The following ZNF385D variants were observed in gnomAD, a reference collection of about 807,000 sequenced individuals.
ZNF385D encodes zinc finger protein 385D, also known as zinc finger protein 659.
Under a neutral mutation model 35.8 loss-of-function variants are expected in ZNF385D, and 15 were observed. The observed-to-expected ratio is 0.42, with a 90% CI of 0.28 to 0.64. The LOEUF is 0.64. Ranked by LOEUF, ZNF385D falls within the 30% of genes least tolerant of loss-of-function variation. The pLI is 0.23. For synonymous variants in ZNF385D, 212 were observed against 186.8 expected (o/e 1.13, Z -1.10); for missense variants, 474 against 494.6 (o/e 0.96, Z 0.39).
chr3:21,780,470 G>C lies in ZNF385D; in HGVS notation c.326-115442C>G, dbSNP rs151315161. On this transcript the variant is annotated intron_variant, in intron 3 of 5. Transcript: ENST00000494108. The stretch of plus-strand genomic sequence containing the variant: ...CTCAATATCTTCCTTATGTGGATAC[G>C]ACATGCATCTGTACTACTTATTGGT... Among the ~76,000 whole-genome samples, 42 of 151,970 alleles carry C rather than the reference G, an allele frequency of 2.8e-4. No homozygotes were observed. In the Middle Eastern group the frequency reaches 0.01, roughly 37 times the overall value.
chr3:21,714,598 G>A (rs770237913), intron 1 of ZNF385D, among the ~76,000 whole-genome samples: 10 of 152,062 alleles, frequency 6.6e-5, no homozygotes, highest in East Asian at 1.9e-4. Context: ...TCTCTTTCTC[G>A]TTTGCATCAT....
intron 3 of ZNF385D, among the ~76,000 whole-genome samples, chr3:21,941,392 C>T: frequency 6.6e-6 from 1 of 151,786 alleles, no homozygotes. Context: ...ATACAATTTC[C>T]TACTTAGCTG....
At chr3:22,159,231 G>A (rs1348457460) in intron 3 of ZNF385D, among the ~76,000 whole-genome samples, 2 of 151,860 alleles carry the variant, frequency 1.3e-5, no homozygotes, top group African/African-American at 2.4e-5. Context: ...TCACTCCCAC[G>A]CACATACATG....
At chr3:21,856,882 T>C (rs3860589) in intron 3 of ZNF385D, among the ~76,000 whole-genome samples, 5,405 of 152,178 alleles carry the variant, frequency 0.036, 347 homozygotes, top group African/African-American at 0.12. Flanking sequence ...CAAATCACTG[T>C]CTTAGAAATC....
At chr3:21,705,941 A>G (rs945082480) in intron 1 of ZNF385D, among the ~76,000 whole-genome samples, 1 of 152,194 alleles carries the variant, frequency 6.6e-6, no homozygotes, top group Non-Finnish European at 1.5e-5. Flanking sequence ...ACATGTGCCC[A>G]GATGAGCTCA....
chr3:21,739,607 T>A (rs973434354), intron 1 of ZNF385D, among the ~76,000 whole-genome samples: 2 of 152,152 alleles, frequency 1.3e-5, no homozygotes, highest in African/African-American at 4.8e-5. Flanking sequence ...ACATTAGTAT[T>A]GATGTTCGGG....
intron 3 of ZNF385D, among the ~76,000 whole-genome samples, chr3:21,996,838 C>T (rs887171504): frequency 6.6e-6 from 1 of 152,136 alleles, no homozygotes. Flanking sequence ...ATTCATATTT[C>T]TATTGGAAAA....
At chr3:21,469,215 A>G (rs1223597745) in intron 4 of ZNF385D, among the ~76,000 whole-genome samples, 8 of 152,170 alleles carry the variant, frequency 5.3e-5, no homozygotes, top group Non-Finnish European at 1.0e-4. Context: ...AAACTTCCTC[A>G]CTCATAATGA....
At chr3:21,464,743 A>AACACACAAACACACACACACAC (rs1553589980) in intron 4 of ZNF385D, among the ~76,000 whole-genome samples, 29,411 of 150,106 alleles carry the variant, frequency 0.2, 3,108 homozygotes, top group Middle Eastern at 0.31. Flanking sequence ...AATAAATTAA[A>AACACACAAACACACACACACAC]ACACACACAC....
upstream of ZNF385D, among the ~76,000 whole-genome samples, chr3:21,754,007 AATGAG>A (rs2070227752): frequency 6.6e-6 from 1 of 152,140 alleles, no homozygotes; most frequent in Admixed American, 6.5e-5. Context: ...TATTGTCACA[AATGAG>A]AGGATCTTCC....
At chr3:22,113,415 A>G (rs9867051) in intron 3 of ZNF385D, among the ~76,000 whole-genome samples, 5,303 of 152,066 alleles carry the variant, frequency 0.035, 304 homozygotes, top group African/African-American at 0.12. Flanking sequence ...ATTTTTTCTT[A>G]TTTAAGGCAA....
intron 2 of ZNF385D, among the ~76,000 whole-genome samples, chr3:22,284,189 G>A (rs910626019): frequency 6.6e-6 from 1 of 150,454 alleles, no homozygotes; most frequent in African/African-American, 2.4e-5. Context: ...TTGTTTGTTT[G>A]TTTGTTTTTG....
rs753915831 is a variant in ZNF385D at position 21,641,167 on chromosome 3, C to T, written c.165+23719G>A. Reference sequence around the variant, plus strand: ...TGCTGTAACTATTTCCTCACAAGTTCCTGTGGTGAGCATCCTTCTCATTAG... The same window carrying T: ...TGCTGTAACTATTTCCTCACAAGTTTCTGTGGTGAGCATCCTTCTCATTAG... On this transcript the variant is annotated intron_variant, in intron 2 of 7. Transcript: ENST00000281523. Among the ~76,000 whole-genome samples, 145 of 152,172 alleles carry T rather than the reference C, an allele frequency of 9.5e-4. 1 individual carries two copies. Among genetic ancestry groups the T allele is most frequent in the Non-Finnish European group, 1.6e-3 (108 of 67,982 alleles).
At chr3:21,424,315 ATAT>A (rs1321993054) in intron 6 of ZNF385D, among the ~76,000 whole-genome samples, 1 of 47,064 alleles carries the variant, frequency 2.1e-5, no homozygotes, top group Non-Finnish European at 4.0e-5. Flanking sequence ...ATATATATAT[ATAT>A]TTTTTTTTTT....
In ZNF385D at chr3:22,208,731, A is replaced by T. The variant is rs543219218; in HGVS notation, c.107-39696T>A. Among the ~76,000 whole-genome samples the T allele has an allele frequency of 3.3e-3, 505 of 151,896 alleles. 4 individuals are homozygous for T. Among genetic ancestry groups the T allele is most frequent in the Middle Eastern group, 0.01 (3 of 294 alleles). On this transcript the variant is annotated intron_variant, in intron 2 of 5. Transcript: ENST00000494108. ...AAAGTAAAAATTAAAAAAAAAATTTAAAAAATAATTATTCAGTATGCACAA... is the reference window on the plus strand; with the variant it reads ...AAAGTAAAAATTAAAAAAAAAATTTTAAAAATAATTATTCAGTATGCACAA...
chr3:22,247,689 G>A (rs1458664948), intron 2 of ZNF385D, among the ~76,000 whole-genome samples: 1 of 151,242 alleles, frequency 6.6e-6, no homozygotes, highest in Non-Finnish European at 1.5e-5. Flanking sequence ...GAATGCAGTG[G>A]TGCGATCTTG....
At chr3:21,871,950 T>C (rs141954954) in intron 3 of ZNF385D, among the ~76,000 whole-genome samples, 3,116 of 151,934 alleles carry the variant, frequency 0.021, 53 homozygotes, top group Non-Finnish European at 0.031. Flanking sequence ...TGAGCCAAGA[T>C]TGCACCACTG....
chr3:21,565,252 T>A (rs2063102781), intron 2 of ZNF385D, among the ~76,000 whole-genome samples: 1 of 152,140 alleles, frequency 6.6e-6, no homozygotes, highest in Non-Finnish European at 1.5e-5. Context: ...GTATAGAATG[T>A]TAACCTGTGG....
chr3:22,370,328 T>C (rs1192901435), intron 2 of ZNF385D, among the ~76,000 whole-genome samples: 1 of 152,220 alleles, frequency 6.6e-6, no homozygotes. Flanking sequence ...AGGGCTATAA[T>C]GTAGCACTAT....
Sources: gnomAD v4.1 joint callset for allele counts (sites outside exome capture counted in the v4.1 genomes callset) on GRCh38, gnomAD v4.1.1 for gene constraint, MANE v1.5 for transcripts, NCBI Gene and HGNC (gene_info 2026-07-23, HGNC 2026-07-21) for gene names.